ANK2: variants seen among roughly 807,000 people sequenced by gnomAD.
ANK2 encodes ankyrin-2.
Under a neutral mutation model 360.5 loss-of-function variants are expected in ANK2, and 83 were observed. The observed-to-expected ratio is 0.23, with a 90% CI of 0.19 to 0.28. ANK2 has a LOEUF of 0.28. ANK2 is among the 10% of genes least tolerant of loss of function. The pLI, the probability that ANK2 is intolerant of heterozygous loss-of-function variation, is 1.00. For missense variants in ANK2, 4,201 were observed against 4,795.7 expected (o/e 0.88, Z 3.66); for synonymous variants, 1,740 against 1,759.5 (o/e 0.99, Z 0.28).
At chr4:112,984,252 G>A (rs527734379) in intron 2 of ANK2, among the ~76,000 whole-genome samples, 5 of 152,254 alleles carry the variant, frequency 3.3e-5, no homozygotes, top group East Asian at 3.9e-4. Context: ...GTATTGGTCC[G>A]TTTTCACGCT....
the ANK2 span, among the ~76,000 whole-genome samples, chr4:112,711,673 A>G: frequency 2.6e-5 from 4 of 151,914 alleles, no homozygotes; most frequent in East Asian, 7.8e-4. Context: ...AAAAAAAATT[A>G]GCCGGGTGTA....
At chr4:112,987,873 A>C (rs1302457968) in intron 2 of ANK2, among the ~76,000 whole-genome samples, 2 of 152,144 alleles carry the variant, frequency 1.3e-5, no homozygotes, top group Non-Finnish European at 1.5e-5. Flanking sequence ...CTTTGTAACA[A>C]TTTTTAGGAA....
chr4:113,240,455 A>G, intron 7 of ANK2, 30 bp from the exon 8 acceptor site: 14 of 1,541,830 alleles, frequency 9.1e-6, no homozygotes, highest in Non-Finnish European at 1.3e-5. Context: ...GTGAAGCGCT[A>G]TACTGACTGT....
intron 36 of ANK2, among the ~76,000 whole-genome samples, chr4:113,349,350 A>G (rs60602406): frequency 0.024 from 3,712 of 152,280 alleles, 159 homozygotes; most frequent in African/African-American, 0.083. Flanking sequence ...AATGTTTTCA[A>G]ATATACTAGT....
chr4:113,022,673 T>G (rs2058432940), intron 2 of ANK2, among the ~76,000 whole-genome samples: 1 of 152,230 alleles, frequency 6.6e-6, no homozygotes, highest in African/African-American at 2.4e-5. Context: ...TTGAAGAATT[T>G]AAGCCAGCAG....
intron 1 of ANK2, among the ~76,000 whole-genome samples, chr4:112,831,181 G>T (rs903043950): frequency 1.3e-5 from 2 of 152,258 alleles, no homozygotes; most frequent in African/African-American, 4.8e-5. Context: ...CCCAAGGGCT[G>T]AGGAGTGCGG....
intron 1 of ANK2, among the ~76,000 whole-genome samples, chr4:113,057,189 A>T (rs2070482675): frequency 6.6e-6 from 1 of 152,216 alleles, no homozygotes; most frequent in South Asian, 2.1e-4. Context: ...AGCAATCTAC[A>T]GAAATATTAT....
At position 112,821,205 on chromosome 4, in the gene ANK2, C is replaced by A. The variant is rs10461191; in HGVS notation, c.-40+2941C>A. 2.6e-5 allele frequency among the ~76,000 whole-genome samples: 4 copies of A among 151,842 alleles called. No individual in the cohort carries two copies. In the South Asian group the frequency reaches 6.2e-4, roughly 24 times the overall value. On this transcript the variant is annotated intron_variant, in intron 1 of 30. Transcript: ENST00000503271. ...GCTGGGATTACAGGCATGAGCCACC[C>A]CGCCCGGCCCCTTAAATGTTTTTTG...
chr4:113,167,607 C>T (rs1042845926), intron 1 of ANK2, among the ~76,000 whole-genome samples: 1 of 151,886 alleles, frequency 6.6e-6, no homozygotes, highest in South Asian at 2.1e-4. Context: ...GCCAGGTCAC[C>T]ATCTTTTAAA....
intron 1 of ANK2, among the ~76,000 whole-genome samples, chr4:113,057,016 C>T (rs756911210): frequency 1.3e-5 from 2 of 152,102 alleles, no homozygotes; most frequent in Non-Finnish European, 2.9e-5. Flanking sequence ...GTGTTTCTTC[C>T]GAACACATGG....
chr4:113,136,338 G>A (rs146108688), intron 1 of ANK2, among the ~76,000 whole-genome samples: 2 of 152,202 alleles, frequency 1.3e-5, no homozygotes, highest in East Asian at 1.9e-4. Flanking sequence ...GTGATCCAGG[G>A]GAATAGTTAT....
At chr4:113,274,765 C>T in intron 15 of ANK2, 116 bp downstream of exon 15, 1 of 1,059,104 alleles carries the variant, frequency 9.4e-7, no homozygotes, top group Non-Finnish European at 1.4e-6. Context: ...GACTTACTTC[C>T]TTCTCTACAT....
chr4:113,206,487 T>G (rs549218586), intron 4 of ANK2, among the ~76,000 whole-genome samples: 2 of 152,304 alleles, frequency 1.3e-5, no homozygotes, highest in South Asian at 4.1e-4. Flanking sequence ...TGTTTTTTTT[T>G]CCATTGGGAG....
chr4:113,170,359 T>A (rs908053476), intron 1 of ANK2, among the ~76,000 whole-genome samples: 2 of 152,206 alleles, frequency 1.3e-5, no homozygotes, highest in Non-Finnish European at 2.9e-5. Flanking sequence ...TGTCCTGCCA[T>A]GTATGATGAA....
intron 1 of ANK2, among the ~76,000 whole-genome samples, chr4:113,107,974 T>G (rs944942246): frequency 6.6e-6 from 1 of 152,182 alleles, no homozygotes; most frequent in African/African-American, 2.4e-5. Flanking sequence ...AAAAAGATGG[T>G]TAAAGTGGAG....
chr4:112,805,550 G>A, the ANK2 span, among the ~76,000 whole-genome samples: 1 of 151,048 alleles, frequency 6.6e-6, no homozygotes, highest in African/African-American at 2.4e-5. Flanking sequence ...AGGGTGTAGG[G>A]ACTGTGACAA....
chr4:113,331,890 T>C, intron 27 of ANK2, 82 bp from the exon 28 acceptor site: 1 of 1,273,336 alleles, frequency 7.9e-7, no homozygotes, highest in Non-Finnish European at 1.1e-6. Context: ...GTGGATCAGC[T>C]GGCGACGCTG....
intron 5 of ANK2, among the ~76,000 whole-genome samples, chr4:113,236,581 C>G (rs2099385905): frequency 6.6e-6 from 1 of 152,164 alleles, no homozygotes; most frequent in Non-Finnish European, 1.5e-5. Context: ...TATTTTATTT[C>G]CCTGTCTCAG....
At chr4:113,307,650 T>C (rs971989355) in intron 23 of ANK2, among the ~76,000 whole-genome samples, 1 of 152,082 alleles carries the variant, frequency 6.6e-6, no homozygotes, top group Admixed American at 6.6e-5. Context: ...GAATTCACCT[T>C]ACTTGGCCTG....
Sources: gnomAD v4.1 joint callset for allele counts (sites outside exome capture counted in the v4.1 genomes callset) on GRCh38, gnomAD v4.1.1 for gene constraint, MANE v1.5 for transcripts, NCBI Gene and HGNC (gene_info 2026-07-23, HGNC 2026-07-21) for gene names.